Variants in ANXA1 observed in about 807,000 individuals in gnomAD.
The protein encoded by ANXA1 is annexin I (lipocortin I).
Under a neutral mutation model 47.9 loss-of-function variants are expected in ANXA1, and 39 were observed. The ratio of observed to expected loss-of-function variants is 0.81; its 90% CI spans 0.63 to 1.06. The LOEUF is 1.06. Among genes scored for constraint, ANXA1 ranks in the 50% least tolerant of loss-of-function variants. ANXA1 has a pLI of 0.00. For missense variants in ANXA1, 446 were observed against 422.7 expected (o/e 1.06, Z -0.48); for synonymous variants, 146 against 142.5 (o/e 1.02, Z -0.17).
chr9:73,163,736 T>C (rs1288992128), intron 8 of ANXA1, among the ~76,000 whole-genome samples: 1 of 152,184 alleles, frequency 6.6e-6, no homozygotes, highest in Non-Finnish European at 1.5e-5. Context: ...CTCTCATTAT[T>C]CGTAAAACCA....
chr9:73,169,296 A>T (rs1292214944), intron 12 of ANXA1, 142 bp downstream of exon 12: 1 of 903,586 alleles, frequency 1.1e-6, no homozygotes, highest in African/African-American at 1.7e-5. Flanking sequence ...CTTCATGAGT[A>T]AATTGAACTT....
In ANXA1 at chr9:73,170,134, G is replaced by A; in HGVS notation, c.*27G>A. On this transcript the variant is annotated 3_prime_UTR_variant, in exon 13 of 13. Transcript: ENST00000257497. The stretch of plus-strand genomic sequence containing the variant: ...CATTCCCTTGATGGTCTCAAGCTAT[G>A]ATCAGAAGACTTTAATTATATATTT... 6.4e-7 allele frequency: 1 copy of A among 1,574,366 alleles called. No homozygotes were observed. The highest frequency in any genetic ancestry group is 1.4e-5 in the African/African-American group (1 of 73,394).
At chr9:73,161,715 T>G (rs1037594658) in intron 6 of ANXA1, among the ~76,000 whole-genome samples, 2 of 152,180 alleles carry the variant, frequency 1.3e-5, no homozygotes, top group Non-Finnish European at 2.9e-5. Context: ...CCTCATTTTC[T>G]GCAATTCTTA....
In ANXA1 at chr9:73,163,602, CCT is replaced by C. The variant is rs776332229; in HGVS notation, c.612+71_612+72del. 86 of 1,496,492 alleles carry C rather than the reference CCT, an allele frequency of 5.7e-5. 1 individual carries two copies. In the Middle Eastern group the frequency reaches 1.2e-3, roughly 21 times the overall value. The allele number at this position is 1,496,492 out of a possible 1,614,324, so 92.7% of individuals were successfully genotyped here. A position where few individuals can be genotyped will look rare whatever the true frequency, so the allele number is the denominator to read the frequency against. ...CTTAAGTGGGGCTACCACATGATCC[CCT>C]GTGAAAGCAAATCTAAGATCTTCTG... is the stretch of plus-strand genomic sequence containing the variant. On this transcript the variant is annotated intron_variant, in intron 8 of 12. Coordinates refer to ENST00000257497, the MANE Select transcript of ANXA1 (RefSeq NM_000700.3).
At chr9:73,168,965 A>C in intron 11 of ANXA1, 67 bp from the exon 12 acceptor site, 4 of 1,517,322 alleles carry the variant, frequency 2.6e-6, no homozygotes, top group African/African-American at 1.4e-5. Flanking sequence ...GCTTCACTTT[A>C]AAATTCATGT....
intron 8 of ANXA1, 62 bp downstream of exon 8, chr9:73,163,594 C>T (rs776691411): frequency 1.4e-5 from 21 of 1,545,792 alleles, no homozygotes; most frequent in Non-Finnish European, 1.8e-5. Context: ...GGGGCTACCA[C>T]ATGATCCCCT....
chr9:73,162,854 T>C lies in ANXA1; in HGVS notation c.548T>C (p.Leu183Pro). The C allele has an allele frequency of 1.2e-6, 2 of 1,611,726 alleles. No individual in the cohort carries two copies. Among genetic ancestry groups the C allele is most frequent in the Non-Finnish European group, 8.5e-7 (1 of 1,178,280 alleles). ...GATTTTCGGAACGCTTTGCTTTCTC[T>C]TGCTAAGGTACAACTCAGATACTTT... ...SGDFRNALLS[L>P]AKGDRSEDFG... Residue 183 changes from leucine (L) to proline (P), a missense_variant, in exon 7 of 13, where the codon CTT (leucine) becomes CCT (proline). Transcript: ENST00000257497.
At chr9:73,156,920 G>A (rs1423536163) in intron 1 of ANXA1, among the ~76,000 whole-genome samples, 2 of 152,150 alleles carry the variant, frequency 1.3e-5, no homozygotes, top group Admixed American at 1.3e-4. Flanking sequence ...GGCATTTTGT[G>A]TGTGTGTGGC....
chr9:73,154,733 A>T (rs1266183041), intron 1 of ANXA1, among the ~76,000 whole-genome samples: 2 of 152,150 alleles, frequency 1.3e-5, no homozygotes. Context: ...GCCACCATGC[A>T]CAGCCAAAAT....
intron 1 of ANXA1, among the ~76,000 whole-genome samples, chr9:73,157,021 A>G (rs1465699899): frequency 6.6e-6 from 1 of 152,202 alleles, no homozygotes; most frequent in East Asian, 1.9e-4. Context: ...CATGATAGCA[A>G]TTCAAGAAAT....
chr9:73,164,798 A>G (rs1298022351), intron 8 of ANXA1, among the ~76,000 whole-genome samples: 1 of 152,136 alleles, frequency 6.6e-6, no homozygotes, highest in Non-Finnish European at 1.5e-5. Flanking sequence ...AACACAGAGT[A>G]AAAAATCTTT....
intron 9 of ANXA1, chr9:73,165,425 G>A (rs564360473): frequency 1.1e-4 from 41 of 384,062 alleles, no homozygotes; most frequent in Non-Finnish European, 1.8e-4. Flanking sequence ...TTGGGCATGT[G>A]GAACATAATT....
chr9:73,162,272 C>A (rs1337103241), intron 6 of ANXA1, among the ~76,000 whole-genome samples: 2 of 152,124 alleles, frequency 1.3e-5, no homozygotes, highest in African/African-American at 4.8e-5. Flanking sequence ...ATTATAAATT[C>A]AATTATTTTT....
intron 1 of ANXA1, among the ~76,000 whole-genome samples, chr9:73,153,131 C>G (rs1823996713): frequency 6.6e-6 from 1 of 152,150 alleles, no homozygotes; most frequent in African/African-American, 2.4e-5. Context: ...GCTCCAGGCT[C>G]AACCACATCC....
rs1824303341 is a variant in ANXA1, at chr9:73,170,342, T to C, written c.*235T>C. 2.9e-6 allele frequency: 1 copy of C among 343,008 alleles called. No homozygotes were observed. Among genetic ancestry groups the C allele is most frequent in the African/African-American group, 2.1e-5 (1 of 47,330 alleles). The allele number at this position is 343,008 out of a possible 1,614,324, so 21.2% of individuals were successfully genotyped here. On this transcript the variant is annotated 3_prime_UTR_variant, in exon 13 of 13. Transcript: ENST00000257497. The stretch of plus-strand genomic sequence containing the variant: ...CCTATACAAGTTGTTCTAGTAACAA[T>C]ACATGAGAAAGATGTCTATGTAGCT...
intron 10 of ANXA1, 146 bp from the exon 11 acceptor site, chr9:73,167,351 C>T: frequency 1.5e-6 from 1 of 648,498 alleles, no homozygotes; most frequent in Non-Finnish European, 2.7e-6. Context: ...CAGAAGTTAA[C>T]TGCCCTATAT....
chr9:73,152,284 G>A (rs181806811), intron 1 of ANXA1, among the ~76,000 whole-genome samples: 18 of 152,230 alleles, frequency 1.2e-4, no homozygotes, highest in East Asian at 1.2e-3. Flanking sequence ...CTTCCCAAGA[G>A]CTGTGTGTTT....
At chr9:73,155,099 T>G (rs1824027662) in intron 1 of ANXA1, among the ~76,000 whole-genome samples, 1 of 152,164 alleles carries the variant, frequency 6.6e-6, no homozygotes. Flanking sequence ...AGCTATACAT[T>G]CAAATCATAG....
intron 6 of ANXA1, 65 bp downstream of exon 6, chr9:73,160,958 A>G (rs1824133363): frequency 9.0e-7 from 1 of 1,110,526 alleles, no homozygotes; most frequent in African/African-American, 1.6e-5. Context: ...TACTTTCTTA[A>G]AATTGACTGT....
Sources: gnomAD v4.1 joint callset for allele counts (sites outside exome capture counted in the v4.1 genomes callset) on GRCh38, gnomAD v4.1.1 for gene constraint, MANE v1.5 for transcripts, NCBI Gene and HGNC (gene_info 2026-07-23, HGNC 2026-07-21) for gene names.